Variants in MRPS6 observed in about 807,000 individuals in gnomAD.
MRPS6 encodes the protein mitochondrial ribosomal protein S6.
MRPS6 carries 6 observed loss-of-function variants against 13.1 expected under a neutral mutation model. That is an observed-to-expected ratio of 0.46 (90% CI 0.25 to 0.91). The LOEUF is 0.91. Among genes scored for constraint, MRPS6 ranks in the 40% least tolerant of loss-of-function variants. The pLI, the probability that MRPS6 is intolerant of heterozygous loss-of-function variation, is 0.18. For missense variants in MRPS6, 164 were observed against 155.6 expected (o/e 1.05, Z -0.29); for synonymous variants, 61 against 56.5 (o/e 1.08, Z -0.36).
intron 2 of MRPS6, among the ~76,000 whole-genome samples, chr21:34,132,212 A>G (rs1368836106): frequency 2.6e-5 from 4 of 152,114 alleles, no homozygotes; most frequent in South Asian, 2.1e-4. Flanking sequence ...AAGAGGTTCA[A>G]CTTCGGAGAG....
intron 1 of MRPS6, chr21:34,100,488 G>C (rs903017893): frequency 1.2e-5 from 12 of 999,958 alleles, no homozygotes; most frequent in African/African-American, 1.7e-5. Context: ...TGTGTCCTTC[G>C]GCCTAAATTC....
At chr21:34,128,287 C>T (rs73359082) in intron 2 of MRPS6, among the ~76,000 whole-genome samples, 8,698 of 152,176 alleles carry the variant, frequency 0.057, 837 homozygotes, top group African/African-American at 0.2. Flanking sequence ...CTGGGGCTGA[C>T]GGGTAGGTAT....
chr21:34,083,850 G>A (rs1287580326), intron 1 of MRPS6, among the ~76,000 whole-genome samples: 1 of 152,118 alleles, frequency 6.6e-6, no homozygotes, highest in East Asian at 1.9e-4. Flanking sequence ...ACTGTCTTGA[G>A]TATTTTATCT....
intron 1 of MRPS6, among the ~76,000 whole-genome samples, chr21:34,117,732 A>C (rs1364851038): frequency 6.6e-6 from 1 of 152,222 alleles, no homozygotes; most frequent in Non-Finnish European, 1.5e-5. Context: ...TGGTCTGCCC[A>C]TAAGAGATCA....
intron 2 of MRPS6, among the ~76,000 whole-genome samples, chr21:34,138,025 G>T (rs995125555): frequency 5.3e-5 from 8 of 151,902 alleles, no homozygotes; most frequent in Non-Finnish European, 7.4e-5. Context: ...GAATTTTAAA[G>T]TGTGTATTCT....
chr21:34,118,014 T>C (rs893971573), intron 1 of MRPS6, among the ~76,000 whole-genome samples: 11 of 152,212 alleles, frequency 7.2e-5, no homozygotes, highest in African/African-American at 2.7e-4. Context: ...TTGAAAAGCC[T>C]GACCTGTGAA....
rs1979240960 is a variant in MRPS6 at position 34,101,613 on chromosome 21, C to G, written c.46-23728C>G. 6.0e-6 allele frequency: 6 copies of G among 1,000,026 alleles called. No homozygotes were observed. In the South Asian group the frequency reaches 2.8e-4, roughly 47 times the overall value. 61.9% of individuals were successfully genotyped at this position (1,000,026 alleles called of 1,614,324 possible). ...TCAGTTCTACACCTAGTCTTTTCAG[C>G]ACTTAGCAAATTCAAATTTTGATTT... On this transcript the variant is annotated intron_variant, in intron 1 of 2. Transcript: ENST00000399312.
chr21:34,073,960 C>T lies in MRPS6; in HGVS notation c.45+215C>T, dbSNP rs1020959045. ...GTGCGCGCGGGAGGCGGGGGTGTGC[C>T]TGCGCGTGTGCGCGGTCCGGGAGGG... On this transcript the variant is annotated intron_variant, in intron 1 of 2. Coordinates refer to ENST00000399312, the MANE Select transcript of MRPS6 (RefSeq NM_032476.4). Among the ~76,000 whole-genome samples the T allele has an allele frequency of 4.1e-5, 6 of 145,938 alleles. No homozygotes were observed. The South Asian group carries it at 6.2e-4, about 15-fold the overall frequency.
chr21:34,113,421 A>T (rs1485774352), intron 1 of MRPS6, among the ~76,000 whole-genome samples: 1 of 152,256 alleles, frequency 6.6e-6, no homozygotes, highest in Non-Finnish European at 1.5e-5. Context: ...AACAACATGG[A>T]TGAGCCTAGA....
At chr21:34,076,094 G>A (rs1324435438) in intron 1 of MRPS6, among the ~76,000 whole-genome samples, 2 of 152,064 alleles carry the variant, frequency 1.3e-5, no homozygotes, top group Non-Finnish European at 2.9e-5. Flanking sequence ...CAAATCATTT[G>A]TGCATCTTGG....
intron 1 of MRPS6, among the ~76,000 whole-genome samples, chr21:34,083,635 CAT>C (rs1172767210): frequency 1.3e-5 from 2 of 152,166 alleles, no homozygotes; most frequent in African/African-American, 4.8e-5. Context: ...TGTTAATAGT[CAT>C]ATGAGAAAAC....
chr21:34,096,498 G>A lies in MRPS6; in HGVS notation c.45+22753G>A. On this transcript the variant is annotated intron_variant, in intron 1 of 2. Coordinates refer to ENST00000399312, the MANE Select transcript of MRPS6 (RefSeq NM_032476.4). This position sits in a 1 kb window ranked among gnomAD's most constrained non-coding sequence, Gnocchi z 5.9. ...GGTGCCAATCATCGTGGAGATGCAA[G>A]GAGGCCAGATGTACCTTTACATTCA... 1 of 1,614,190 alleles carries A rather than the reference G, an allele frequency of 6.2e-7. No homozygotes were observed. The highest frequency in any genetic ancestry group is 8.5e-7 in the Non-Finnish European group (1 of 1,180,024).
At chr21:34,134,035 G>A (rs992652896) in intron 2 of MRPS6, among the ~76,000 whole-genome samples, 1 of 152,214 alleles carries the variant, frequency 6.6e-6, no homozygotes, top group Admixed American at 6.5e-5. Context: ...TGTGGGGCAA[G>A]GGGAGTGACT....
At chr21:34,084,937 C>T (rs562279120) in intron 1 of MRPS6, among the ~76,000 whole-genome samples, 23 of 152,052 alleles carry the variant, frequency 1.5e-4, no homozygotes, top group African/African-American at 4.6e-4. Context: ...TTTTAATCTG[C>T]GTTATTTTGA....
intron 1 of MRPS6, among the ~76,000 whole-genome samples, chr21:34,091,688 C>G (rs1978702093): frequency 6.6e-6 from 1 of 152,120 alleles, no homozygotes; most frequent in Non-Finnish European, 1.5e-5. Flanking sequence ...TAATTCTGTG[C>G]AAAACAATAA....
chr21:34,100,662 C>CT, intron 1 of MRPS6: 1 of 1,000,184 alleles, frequency 1.0e-6, no homozygotes, highest in Non-Finnish European at 1.2e-6. Flanking sequence ...ATTTTAAGAA[C>CT]TGAGTTGAGG....
chr21:34,114,227 T>G (rs900422152), intron 1 of MRPS6, among the ~76,000 whole-genome samples: 3 of 152,216 alleles, frequency 2.0e-5, no homozygotes, highest in South Asian at 4.1e-4. Context: ...TGGCATTGTT[T>G]CTAGCTGATG....
chr21:34,123,449 C>T (rs1351841930), intron 1 of MRPS6: 1 of 152,128 alleles, frequency 6.6e-6, no homozygotes, highest in East Asian at 1.9e-4. Flanking sequence ...CGATGGTTTC[C>T]ACAGCTTTCC....
At chr21:34,129,094 A>G (rs1208750914) in intron 2 of MRPS6, among the ~76,000 whole-genome samples, 1 of 152,104 alleles carries the variant, frequency 6.6e-6, no homozygotes, top group Non-Finnish European at 1.5e-5. Context: ...TTCTTACTGT[A>G]TTCCTGGGCG....
Sources: gnomAD v4.1 joint callset for allele counts (sites outside exome capture counted in the v4.1 genomes callset) on GRCh38, gnomAD v4.1.1 for gene constraint, Gnocchi (gnomAD v3.1) non-coding constraint, MANE v1.5 for transcripts, NCBI Gene and HGNC (gene_info 2026-07-23, HGNC 2026-07-21) for gene names.